Variants in IRF2 observed in about 807,000 individuals in gnomAD.
IRF2 encodes interferon regulatory factor 2.
A neutral mutation model predicts 40.6 loss-of-function variants in IRF2; 15 were observed. The observed-to-expected ratio is 0.37, with a 90% CI of 0.25 to 0.57. The LOEUF is 0.57. Among genes scored for constraint, IRF2 ranks in the 20% least tolerant of loss-of-function variants. IRF2 has a pLI of 0.77. For missense variants in IRF2, 317 were observed against 455.7 expected, an observed-to-expected ratio of 0.70 and a Z score of 2.77; for synonymous variants, 151 against 165.5, an observed-to-expected ratio of 0.91 and a Z score of 0.67.
rs147247190 is a variant in IRF2 at position 184,421,066 on chromosome 4, C to T, written c.88-1498G>A. ...GCTCTCAAGGCAGTTCTGGTAATTG[C>T]TAGGTATGCGGATCCCTGCACTAGA... On this transcript the variant is annotated intron_variant, in intron 2 of 8. Coordinates refer to ENST00000393593, the MANE Select transcript of IRF2 (RefSeq NM_002199.4). Among the ~76,000 whole-genome samples, 354 of 152,272 alleles carry T rather than the reference C, an allele frequency of 2.3e-3. 3 individuals are homozygous for T. Among genetic ancestry groups the T allele is most frequent in the African/African-American group, 8.1e-3 (336 of 41,550 alleles).
At chr4:184,410,845 T>C (rs1368614624) in intron 5 of IRF2, among the ~76,000 whole-genome samples, 1 of 152,224 alleles carries the variant, frequency 6.6e-6, no homozygotes, top group Non-Finnish European at 1.5e-5. Flanking sequence ...GTGATACTTT[T>C]ATCACTTGAG....
At chr4:184,419,700 G>T in intron 2 of IRF2, 132 bp from the exon 3 acceptor site, 1 of 644,308 alleles carries the variant, frequency 1.6e-6, no homozygotes, top group South Asian at 1.9e-5. Context: ...CTGCTGACAA[G>T]AAAATCTACT....
rs561046350 is a variant in IRF2 at position 184,408,828 on chromosome 4, G to C, written c.412-553C>G. ...CCTGAGGCCCTGCATTGGATGGCTG[G>C]CTGATCACCCTGGCCTGAGTCCAGC... On this transcript the variant is annotated intron_variant, in intron 5 of 8. Coordinates refer to ENST00000393593, the MANE Select transcript of IRF2 (RefSeq NM_002199.4). This position sits in a 1 kb window ranked among gnomAD's most constrained non-coding sequence, Gnocchi z 4.9. 1.3e-5 allele frequency among the ~76,000 whole-genome samples: 2 copies of C among 152,356 alleles called. No homozygotes were observed. The highest frequency in any genetic ancestry group is 4.1e-4 in the South Asian group (2 of 4,830).
chr4:184,399,903 T>C (rs1201350886), intron 6 of IRF2, among the ~76,000 whole-genome samples: 7 of 152,234 alleles, frequency 4.6e-5, no homozygotes, highest in Non-Finnish European at 8.8e-5. Flanking sequence ...CATACAGTTG[T>C]AAGAAATAAT....
chr4:184,473,995 G>A (rs1481025592), intron 1 of IRF2: 1 of 152,630 alleles, frequency 6.6e-6, no homozygotes, highest in African/African-American at 2.4e-5. Context: ...AACACCTGGG[G>A]CGCAGAAGCA....
At chr4:184,473,103 A>G (rs1739576717) in intron 1 of IRF2, among the ~76,000 whole-genome samples, 1 of 150,336 alleles carries the variant, frequency 6.7e-6, no homozygotes, top group African/African-American at 2.5e-5. Context: ...GGCCGGCTTC[A>G]CTCGGTGGGC....
intron 1 of IRF2, among the ~76,000 whole-genome samples, chr4:184,446,364 A>G (rs1443733831): frequency 2.0e-5 from 3 of 152,208 alleles, no homozygotes; most frequent in Non-Finnish European, 4.4e-5. Flanking sequence ...CACCTGGCAC[A>G]CAGAATACAA....
intron 5 of IRF2, among the ~76,000 whole-genome samples, chr4:184,411,219 G>A (rs1737062934): frequency 6.6e-6 from 1 of 151,918 alleles, no homozygotes; most frequent in East Asian, 1.9e-4. Flanking sequence ...CACCATGCCG[G>A]GCTAATTTTT....
At position 184,398,945 on chromosome 4, in the gene IRF2, G is replaced by A. The variant is rs1182617368; in HGVS notation, c.664C>T (p.Leu222=). The A allele has an allele frequency of 6.2e-7, 1 of 1,611,184 alleles. No homozygotes were observed. The highest frequency in any genetic ancestry group is 2.2e-5 in the East Asian group (1 of 44,794). ...TAGGAAGACACGGGGGAGATCTGCA[G>A]AGGGTAGAGCTCGCTCATGCTGACC... ...QPVSMSELYP[L]QISPVSSYAE... is the part of the protein sequence containing the mutation. Residue 222 remains leucine, a synonymous_variant, in exon 7 of 9, where the codon CTG becomes TTG. Transcript: ENST00000393593.
At chr4:184,455,301 CTTTTTTTT>C (rs1238177005) in intron 1 of IRF2, among the ~76,000 whole-genome samples, 1 of 31,948 alleles carries the variant, frequency 3.1e-5, no homozygotes, top group East Asian at 1.2e-3. Flanking sequence ...CCTTCTTCTT[CTTTTTTTT>C]TTTTTTTTTT....
chr4:184,409,157 G>T (rs1212250533), intron 5 of IRF2, among the ~76,000 whole-genome samples: 1 of 152,176 alleles, frequency 6.6e-6, no homozygotes, highest in East Asian at 1.9e-4. Context: ...AACACCCAAG[G>T]AATCCAAAGC....
chr4:184,430,655 T>A (rs1019998925), intron 1 of IRF2, among the ~76,000 whole-genome samples: 1 of 152,184 alleles, frequency 6.6e-6, no homozygotes, highest in African/African-American at 2.4e-5. Flanking sequence ...TATAGTCCAC[T>A]CTCTTTTCCT....
intron 7 of IRF2, among the ~76,000 whole-genome samples, chr4:184,393,577 T>G (rs1736336630): frequency 6.6e-6 from 1 of 152,218 alleles, no homozygotes; most frequent in Non-Finnish European, 1.5e-5. Context: ...GGATGCTAAC[T>G]TCCTTTAAGT....
chr4:184,453,524 T>A (rs1170242929), intron 1 of IRF2, among the ~76,000 whole-genome samples: 1 of 152,248 alleles, frequency 6.6e-6, no homozygotes, highest in African/African-American at 2.4e-5. Flanking sequence ...ACAGGAGAAG[T>A]AACATGACCT....
intron 6 of IRF2, among the ~76,000 whole-genome samples, chr4:184,400,781 A>G (rs1428653633): frequency 1.3e-5 from 2 of 152,148 alleles, no homozygotes; most frequent in East Asian, 3.8e-4. Flanking sequence ...ATGATGTTTC[A>G]TGGCCATTTT....
rs762602819 is a variant in IRF2 at position 184,388,710 on chromosome 4, C to A, written c.*48G>T. The A allele has an allele frequency of 6.4e-7, 1 of 1,551,486 alleles. No homozygotes were observed. The highest frequency in any genetic ancestry group is 8.7e-7 in the Non-Finnish European group (1 of 1,150,248). ...AAAAAAATAAAATACAAACAAACAACAAAACAAAGCCAAGAAGCCCCAACA... is the reference window on the plus strand; with the variant it reads ...AAAAAAATAAAATACAAACAAACAAAAAAACAAAGCCAAGAAGCCCCAACA... On this transcript the variant is annotated 3_prime_UTR_variant, in exon 9 of 9. Coordinates refer to ENST00000393593, the MANE Select transcript of IRF2 (RefSeq NM_002199.4). The surrounding 1 kb of genome is among the most constrained non-coding windows in gnomAD (Gnocchi z 4.6).
At chr4:184,467,194 G>A (rs1739357152) in intron 1 of IRF2, among the ~76,000 whole-genome samples, 1 of 152,158 alleles carries the variant, frequency 6.6e-6, no homozygotes, top group Admixed American at 6.5e-5. Flanking sequence ...CTTTCAACTG[G>A]TCCTTGAGTT....
chr4:184,459,664 TCAA>T (rs1293287057), intron 1 of IRF2, among the ~76,000 whole-genome samples: 2 of 152,090 alleles, frequency 1.3e-5, no homozygotes, highest in Non-Finnish European at 2.9e-5. Flanking sequence ...AACCTACAGC[TCAA>T]CAACAACAAA....
At chr4:184,452,490 A>T (rs1322458664) in intron 1 of IRF2, among the ~76,000 whole-genome samples, 1 of 152,092 alleles carries the variant, frequency 6.6e-6, no homozygotes, top group Non-Finnish European at 1.5e-5. Flanking sequence ...CAGCAACAAC[A>T]TGGACCGTGG....
Sources: gnomAD v4.1 joint callset for allele counts (sites outside exome capture counted in the v4.1 genomes callset) on GRCh38, gnomAD v4.1.1 for gene constraint, Gnocchi (gnomAD v3.1) non-coding constraint, MANE v1.5 for transcripts, NCBI Gene and HGNC (gene_info 2026-07-23, HGNC 2026-07-21) for gene names.